Variants in CRACD observed in about 807,000 individuals in gnomAD.
CRACD encodes capping protein-inhibiting regulator of actin dynamics.
CRACD carries 56 observed loss-of-function variants against 106.8 expected under a neutral mutation model. That is an observed-to-expected ratio of 0.52 (90% confidence interval 0.42 to 0.66). The LOEUF (loss-of-function observed/expected upper bound fraction) is 0.66. Among genes scored for constraint, CRACD ranks in the 30% least tolerant of loss-of-function variants. The pLI is 0.00. For missense variants in CRACD, 1,730 were observed against 1,623.2 expected, an observed-to-expected ratio of 1.07 and a Z score of -1.13; for synonymous variants, 754 against 670.8, an observed-to-expected ratio of 1.12 and a Z score of -1.92.
chr4:56,128,569 G>T (rs927709756), intron 1 of CRACD, among the ~76,000 whole-genome samples: 4 of 152,158 alleles, frequency 2.6e-5, no homozygotes, highest in Non-Finnish European at 5.9e-5. Flanking sequence ...AATTAGGAAG[G>T]TGCCTCAATT....
intron 3 of CRACD, among the ~76,000 whole-genome samples, chr4:56,277,069 T>G (rs547562185): frequency 5.4e-4 from 82 of 152,228 alleles, no homozygotes; most frequent in Non-Finnish European, 7.8e-4. Context: ...TGTCAGATAA[T>G]GGCATAAGCA....
At position 56,226,537 on chromosome 4, in the gene CRACD, T is replaced by C. The variant is rs537929946; in HGVS notation, c.-188-45784T>C. ...CAGAGTCAGCAAAAAAGGGTAAAAT[T>C]ATGTTGTGTATGCTCTGTTGCTAAG... On this transcript the variant is annotated intron_variant, in intron 2 of 10. Transcript: ENST00000682029. Among the ~76,000 whole-genome samples the C allele has an allele frequency of 1.8e-4, 27 of 152,202 alleles. No homozygotes were observed. The South Asian group carries it at 5.4e-3, about 30-fold the overall frequency.
At chr4:56,198,914 T>G (rs1254551752) in intron 2 of CRACD, among the ~76,000 whole-genome samples, 3 of 152,214 alleles carry the variant, frequency 2.0e-5, no homozygotes, top group African/African-American at 4.8e-5. Flanking sequence ...ATCGATTATG[T>G]AGTGTTCAGT....
At chr4:56,256,804 A>G (rs746716097) in intron 2 of CRACD, among the ~76,000 whole-genome samples, 2 of 152,162 alleles carry the variant, frequency 1.3e-5, no homozygotes, top group African/African-American at 2.4e-5. Context: ...AAGTCCCCCA[A>G]CAGATTGAAT....
At chr4:56,186,266 G>A (rs1737091896) in intron 2 of CRACD, among the ~76,000 whole-genome samples, 1 of 152,132 alleles carries the variant, frequency 6.6e-6, no homozygotes, top group Non-Finnish European at 1.5e-5. Context: ...TAGTGCTAGT[G>A]GTTCAGCAAA....
At position 56,262,812 on chromosome 4, in the gene CRACD, G is replaced by C. The variant is rs75781346; in HGVS notation, c.-188-9509G>C. Among the ~76,000 whole-genome samples, 547 of 152,330 alleles carry C rather than the reference G, an allele frequency of 3.6e-3. 4 individuals carry two copies. Among genetic ancestry groups the C allele is most frequent in the African/African-American group, 0.012 (495 of 41,576 alleles). ...TAGCACAAATTCATTTGTTAGCAAA[G>C]CTTAATGTGAATACTGATGTTTTCC... On this transcript the variant is annotated intron_variant, in intron 2 of 10. Transcript: ENST00000682029.
At chr4:56,199,270 T>C (rs1393203410) in intron 2 of CRACD, among the ~76,000 whole-genome samples, 1 of 152,200 alleles carries the variant, frequency 6.6e-6, no homozygotes, top group Non-Finnish European at 1.5e-5. Context: ...GTGGCAAATA[T>C]TGTATAAAGC....
rs1264168156 is a variant in CRACD, at chr4:56,217,645, CTTAAAGAGTCCG to C, written c.-189+38218_-189+38229del. Among the ~76,000 whole-genome samples the C allele has an allele frequency of 2.0e-5, 3 of 152,146 alleles. No homozygotes were observed. In the South Asian group the frequency reaches 6.2e-4, roughly 32 times the overall value. ...TAGATTGTAAATGTTTCTTATCAGA[CTTAAAGAGTCCG>C]TTCTGTCAGTATTAAAGTCTCTGTT... On this transcript the variant is annotated intron_variant, in intron 2 of 10. Coordinates refer to ENST00000682029, the MANE Select transcript of CRACD (RefSeq NM_001393381.1).
chr4:56,280,502 T>G (rs370826059), intron 3 of CRACD, among the ~76,000 whole-genome samples: 1 of 152,204 alleles, frequency 6.6e-6, no homozygotes, highest in East Asian at 1.9e-4. Flanking sequence ...ATCAGGCCCC[T>G]TCCCCTGACA....
At chr4:56,302,310 G>C (rs750396957) in intron 4 of CRACD, among the ~76,000 whole-genome samples, 1 of 152,228 alleles carries the variant, frequency 6.6e-6, no homozygotes, top group Non-Finnish European at 1.5e-5. Flanking sequence ...GAGGGTGCCT[G>C]TTTGTGTAAG....
At chr4:56,294,103 G>A (rs1324490715) in intron 3 of CRACD, among the ~76,000 whole-genome samples, 1 of 152,030 alleles carries the variant, frequency 6.6e-6, no homozygotes, top group African/African-American at 2.4e-5. Flanking sequence ...GCATGAGCCT[G>A]TAGTCCCAGC....
intron 8 of CRACD, 51 bp downstream of exon 8, chr4:56,316,740 G>A: frequency 6.8e-7 from 1 of 1,476,378 alleles, no homozygotes; most frequent in Non-Finnish European, 9.1e-7. Context: ...GTCAGAGCCA[G>A]GGCATCAAGA....
chr4:56,157,576 C>T (rs531142002), intron 1 of CRACD, among the ~76,000 whole-genome samples: 1 of 152,274 alleles, frequency 6.6e-6, no homozygotes, highest in African/African-American at 2.4e-5. Context: ...AAAATGATCT[C>T]AGTGGGTTGC....
chr4:56,191,996 T>G (rs1023277894), intron 2 of CRACD, among the ~76,000 whole-genome samples: 2 of 152,238 alleles, frequency 1.3e-5, no homozygotes, highest in African/African-American at 4.8e-5. Context: ...AATTATTTTC[T>G]GTCAAAATCA....
At chr4:56,238,589 C>T (rs371847657) in intron 2 of CRACD, among the ~76,000 whole-genome samples, 4 of 152,116 alleles carry the variant, frequency 2.6e-5, no homozygotes, top group South Asian at 2.1e-4. Flanking sequence ...ATGGATATAG[C>T]GGTGCAGCCA....
At chr4:56,313,998 G>A (rs1198004175) in intron 7 of CRACD, 42 bp from the exon 8 acceptor site, 2 of 1,584,240 alleles carry the variant, frequency 1.3e-6, no homozygotes, top group Non-Finnish European at 1.7e-6. Context: ...ACTGTGGGTG[G>A]AGAAAGCAAA....
chr4:56,284,292 TAAAAAA>T (rs59270238), intron 3 of CRACD, among the ~76,000 whole-genome samples: 867 of 45,474 alleles, frequency 0.019, 15 homozygotes, highest in African/African-American at 0.075. Context: ...CATCCTAAAG[TAAAAAA>T]AAAAAAAAAA....
In CRACD at chr4:56,324,282, A is replaced by G. The variant is rs1322139876; in HGVS notation, c.3541+16A>G. The G allele has an allele frequency of 1.9e-6, 3 of 1,605,000 alleles. No individual in the cohort carries two copies. The highest frequency in any genetic ancestry group is 2.6e-6 in the Non-Finnish European group (3 of 1,174,782). Reference sequence around the variant, plus strand: ...TCTGTGACAGGTAGAGAGCAGGTCCATTGCTTTGTAACTGTAGTTCCAGGT... The same window carrying G: ...TCTGTGACAGGTAGAGAGCAGGTCCGTTGCTTTGTAACTGTAGTTCCAGGT... On this transcript the variant is annotated intron_variant, in intron 10 of 10. Coordinates refer to ENST00000682029, the MANE Select transcript of CRACD (RefSeq NM_001393381.1).
At chr4:56,110,688 C>T (rs1734089431) in intron 1 of CRACD, among the ~76,000 whole-genome samples, 1 of 152,094 alleles carries the variant, frequency 6.6e-6, no homozygotes, top group Non-Finnish European at 1.5e-5. Context: ...CCTCCGTTTC[C>T]CACGTTCAAA....
Sources: allele counts gnomAD v4.1 joint callset (sites outside exome capture counted in the v4.1 genomes callset), GRCh38; gene constraint gnomAD v4.1.1; transcripts MANE v1.5; gene names NCBI Gene and HGNC (gene_info 2026-07-23, HGNC 2026-07-21).